Variants in SORCS3 observed in about 807,000 individuals in gnomAD.
SORCS3 encodes sortilin related VPS10 domain containing receptor 3, also known as VPS10 domain-containing receptor SorCS3.
In SORCS3, 57 loss-of-function variants were observed where a neutral mutation model predicts 146.3. That is an observed-to-expected ratio of 0.39 (90% CI 0.31 to 0.49). The LOEUF (loss-of-function observed/expected upper bound fraction) is 0.49, where lower values mean the gene tolerates loss of function less well. Ranked by LOEUF, SORCS3 falls within the 20% of genes least tolerant of loss-of-function variation. SORCS3 has a pLI of 0.92. For synonymous variants in SORCS3, 653 were observed against 618.5 expected (o/e 1.06, Z -0.83); for missense variants, 1,341 against 1,575.5 (o/e 0.85, Z 2.52).
At chr10:105,256,588 C>T in intron 24 of SORCS3, among the ~76,000 whole-genome samples, 1 of 152,184 alleles carries the variant, frequency 6.6e-6, no homozygotes, top group East Asian at 1.9e-4. Flanking sequence ...CAAGAACTAG[C>T]AAGTTTCCCC....
At chr10:104,912,552 T>G (rs1475053513) in intron 2 of SORCS3, among the ~76,000 whole-genome samples, 4 of 152,246 alleles carry the variant, frequency 2.6e-5, no homozygotes, top group Non-Finnish European at 4.4e-5. Context: ...TTTCTAGGCA[T>G]TGTTTGCTGT....
intron 3 of SORCS3, among the ~76,000 whole-genome samples, chr10:104,931,754 G>A (rs2019210811): frequency 6.6e-6 from 1 of 152,130 alleles, no homozygotes; most frequent in African/African-American, 2.4e-5. Context: ...GTTTTTATAG[G>A]GCAACTTTTG....
intron 1 of SORCS3, among the ~76,000 whole-genome samples, chr10:104,820,214 G>A (rs567759059): frequency 1.7e-4 from 26 of 152,186 alleles, no homozygotes; most frequent in South Asian, 1.5e-3. Flanking sequence ...TTTACGTGTC[G>A]TGGGATTTTG....
At chr10:104,673,966 T>C (rs1243001575) in intron 1 of SORCS3, among the ~76,000 whole-genome samples, 11 of 152,250 alleles carry the variant, frequency 7.2e-5, no homozygotes, top group African/African-American at 2.7e-4. Context: ...TGTAAATTAA[T>C]AATTCTTTGA....
intron 20 of SORCS3, among the ~76,000 whole-genome samples, chr10:105,238,901 A>C (rs575004651): frequency 6.6e-6 from 1 of 152,298 alleles, no homozygotes; most frequent in Non-Finnish European, 1.5e-5. Context: ...ACCTATTACC[A>C]CCAGTCATTT....
At chr10:105,154,975 G>T (rs1489070846) in intron 9 of SORCS3, among the ~76,000 whole-genome samples, 1 of 152,174 alleles carries the variant, frequency 6.6e-6, no homozygotes, top group African/African-American at 2.4e-5. Flanking sequence ...AAACACAAGT[G>T]GGAAATGTTC....
At chr10:104,980,973 C>T (rs761506077) in intron 4 of SORCS3, among the ~76,000 whole-genome samples, 4 of 152,168 alleles carry the variant, frequency 2.6e-5, no homozygotes, top group Admixed American at 6.6e-5. Flanking sequence ...AACATGTCTA[C>T]CTGATACCGG....
intron 4 of SORCS3, among the ~76,000 whole-genome samples, chr10:104,986,622 T>C (rs564538457): frequency 3.3e-5 from 5 of 152,304 alleles, no homozygotes; most frequent in African/African-American, 1.2e-4. Flanking sequence ...GTGAGAAACA[T>C]GCAACTCTTT....
chr10:104,862,555 G>A (rs961871599), intron 2 of SORCS3, among the ~76,000 whole-genome samples: 3 of 151,480 alleles, frequency 2.0e-5, no homozygotes, highest in African/African-American at 7.3e-5. Context: ...TTCTCCACTT[G>A]TATTTCTTCA....
chr10:104,749,259 G>C (rs1737039936), intron 1 of SORCS3, among the ~76,000 whole-genome samples: 1 of 151,086 alleles, frequency 6.6e-6, no homozygotes, highest in Admixed American at 6.6e-5. Context: ...GTGTGTGTGT[G>C]TGTGTGTGTA....
chr10:105,116,540 G>T (rs1266814401), intron 7 of SORCS3, among the ~76,000 whole-genome samples: 1 of 152,212 alleles, frequency 6.6e-6, no homozygotes, highest in East Asian at 1.9e-4. Context: ...TTGGGTATAT[G>T]CCCAAAGGAA....
intron 3 of SORCS3, among the ~76,000 whole-genome samples, chr10:104,972,012 C>A (rs1401685973): frequency 6.6e-6 from 1 of 152,182 alleles, no homozygotes; most frequent in East Asian, 1.9e-4. Flanking sequence ...AATTGTGGCA[C>A]TAGGGGCAGA....
At chr10:105,116,968 T>C (rs1430502794) in intron 7 of SORCS3, among the ~76,000 whole-genome samples, 3 of 151,924 alleles carry the variant, frequency 2.0e-5, no homozygotes, top group Non-Finnish European at 4.4e-5. Flanking sequence ...AAATAATCTG[T>C]ACACCAAATA....
chr10:104,907,736 TA>T (rs1216733901), intron 2 of SORCS3, among the ~76,000 whole-genome samples: 2 of 152,170 alleles, frequency 1.3e-5, no homozygotes, highest in Non-Finnish European at 2.9e-5. Flanking sequence ...ATGAGTTGGG[TA>T]AAAAGAGGTC....
At chr10:105,028,545 G>T (rs1430844715) in intron 4 of SORCS3, among the ~76,000 whole-genome samples, 1 of 152,080 alleles carries the variant, frequency 6.6e-6, no homozygotes, top group African/African-American at 2.4e-5. Flanking sequence ...AATCTTGGTG[G>T]GTGTGGTGTT....
At chr10:105,201,947 A>G (rs1393154975) in intron 16 of SORCS3, among the ~76,000 whole-genome samples, 7 of 152,138 alleles carry the variant, frequency 4.6e-5, no homozygotes. Flanking sequence ...ACACACAGCT[A>G]TCCACTCAGT....
At chr10:104,779,917 G>GTATGAATTATT (rs1206693077) in intron 1 of SORCS3, among the ~76,000 whole-genome samples, 2 of 152,168 alleles carry the variant, frequency 1.3e-5, no homozygotes, top group African/African-American at 4.8e-5. Flanking sequence ...GTTATTAGAA[G>GTATGAATTATT]TATGAATTAT....
At chr10:105,218,829 A>C (rs1400156022) in intron 19 of SORCS3, among the ~76,000 whole-genome samples, 1 of 152,190 alleles carries the variant, frequency 6.6e-6, no homozygotes, top group South Asian at 2.1e-4. Flanking sequence ...ATCCTGGCTA[A>C]CATGGTGAAA....
At chr10:105,045,130 T>A (rs1388911444) in intron 5 of SORCS3, among the ~76,000 whole-genome samples, 1 of 151,602 alleles carries the variant, frequency 6.6e-6, no homozygotes, top group Non-Finnish European at 1.5e-5. Flanking sequence ...AACTAGAAAG[T>A]CAGGTTAGTA....
Sources: allele counts gnomAD v4.1 joint callset (sites outside exome capture counted in the v4.1 genomes callset), GRCh38; gene constraint gnomAD v4.1.1; transcripts MANE v1.5; gene names NCBI Gene and HGNC (gene_info 2026-07-23, HGNC 2026-07-21).